ANKIB1: variants seen among roughly 807,000 people sequenced by gnomAD.
ANKIB1 encodes the protein ankyrin repeat and IBR domain-containing protein 1.
ANKIB1 carries 43 observed loss-of-function variants against 122.1 expected under a neutral mutation model. The observed-to-expected ratio is 0.35, with a 90% CI of 0.28 to 0.45. The LOEUF (loss-of-function observed/expected upper bound fraction) is 0.45. Among genes scored for constraint, ANKIB1 ranks in the 20% least tolerant of loss-of-function variants. The probability of loss-of-function intolerance (pLI) is 1.00; values close to 1 mark genes in which losing one functional copy is unlikely to be tolerated. For missense variants in ANKIB1, 992 were observed against 1,329.5 expected, an observed-to-expected ratio of 0.75 and a Z score of 3.95; for synonymous variants, 390 against 442.0, an observed-to-expected ratio of 0.88 and a Z score of 1.48.
chr7:92,377,287 G>A (rs907421491), intron 11 of ANKIB1, among the ~76,000 whole-genome samples: 11 of 152,068 alleles, frequency 7.2e-5, no homozygotes, highest in Admixed American at 2.0e-4. Context: ...ACAGAGACAG[G>A]AGAATGACTA....
chr7:92,276,637 T>C (rs569501792), intron 1 of ANKIB1, among the ~76,000 whole-genome samples: 33 of 152,358 alleles, frequency 2.2e-4, no homozygotes, highest in Middle Eastern at 3.4e-3. Context: ...CAAATTTCAT[T>C]GATTATAAAG....
chr7:92,388,040 A>C lies in ANKIB1; in HGVS notation c.1905A>C (p.Glu635Asp). The C allele has an allele frequency of 6.4e-7, 1 of 1,563,284 alleles. No homozygotes were observed. Among genetic ancestry groups the C allele is most frequent in the Admixed American group, 1.9e-5 (1 of 52,416 alleles). ...AGCAATTGAGCAGAGCTCTCAAAGA[A>C]AGTAAGTTATAAGTTGTATGTGTGA... ...KMEQLSRALK[E>D]TEGGCPDTTF... Residue 635 changes from glutamate to aspartate, a missense_variant and splice_region_variant, in exon 14 of 20, where the codon GAA becomes GAC. Coordinates refer to ENST00000265742, the MANE Select transcript of ANKIB1 (RefSeq NM_019004.2).
intron 10 of ANKIB1, among the ~76,000 whole-genome samples, chr7:92,365,003 A>G (rs905358117): frequency 6.6e-6 from 1 of 152,184 alleles, no homozygotes; most frequent in African/African-American, 2.4e-5. Context: ...GTCCAGTGGA[A>G]TTTTATAAGT....
intron 1 of ANKIB1, among the ~76,000 whole-genome samples, chr7:92,262,037 T>C (rs1801576471): frequency 6.6e-6 from 1 of 152,192 alleles, no homozygotes; most frequent in Admixed American, 6.5e-5. Flanking sequence ...CATTAAGATA[T>C]ACGGAAAATA....
At chr7:92,282,151 A>AT (rs1010816457) in intron 1 of ANKIB1, among the ~76,000 whole-genome samples, 1 of 150,660 alleles carries the variant, frequency 6.6e-6, no homozygotes. Flanking sequence ...GGCATAAGTA[A>AT]TTTTTTTTTC....
At chr7:92,276,110 C>T (rs1012223379) in intron 1 of ANKIB1, among the ~76,000 whole-genome samples, 4 of 152,104 alleles carry the variant, frequency 2.6e-5, no homozygotes, top group African/African-American at 9.7e-5. Context: ...GGTCTCATTA[C>T]GTCTCATTTA....
At position 92,391,693 on chromosome 7, in the gene ANKIB1, A is replaced by C. The variant is rs185890325; in HGVS notation, c.2231+349A>C. 1.3e-3 allele frequency among the ~76,000 whole-genome samples: 196 copies of C among 152,260 alleles called. 3 individuals carry two copies. The highest frequency in any genetic ancestry group is 1.5e-4 in the Non-Finnish European group (10 of 68,006). ...AGTTATAAACATCTTACGATGTAGA[A>C]TTTGGAAACTTTGCCAGCTTGTTAT... On this transcript the variant is annotated intron_variant, in intron 16 of 19. Transcript: ENST00000265742.
chr7:92,391,913 G>T (rs926951856), intron 16 of ANKIB1, among the ~76,000 whole-genome samples: 2 of 151,816 alleles, frequency 1.3e-5, no homozygotes, highest in African/African-American at 4.8e-5. Context: ...ACATTCCTTT[G>T]GCACTATTTT....
intron 5 of ANKIB1, among the ~76,000 whole-genome samples, chr7:92,337,348 C>T (rs567881826): frequency 9.9e-5 from 15 of 152,202 alleles, no homozygotes; most frequent in African/African-American, 3.1e-4. Flanking sequence ...TTCTGTTTAT[C>T]GTGTTAAAAC....
chr7:92,365,618 C>G (rs964654640), intron 10 of ANKIB1, among the ~76,000 whole-genome samples: 1 of 151,796 alleles, frequency 6.6e-6, no homozygotes, highest in African/African-American at 2.4e-5. Flanking sequence ...TTACAAAGAT[C>G]ACTCAGGCAG....
chr7:92,335,883 A>G (rs1803277592), intron 5 of ANKIB1, among the ~76,000 whole-genome samples: 1 of 151,840 alleles, frequency 6.6e-6, no homozygotes, highest in African/African-American at 2.4e-5. Context: ...TAGTTGAATA[A>G]TCTTGGCATT....
intron 5 of ANKIB1, among the ~76,000 whole-genome samples, chr7:92,339,137 G>T (rs1002838235): frequency 6.9e-6 from 1 of 144,766 alleles, no homozygotes; most frequent in African/African-American, 2.6e-5. Flanking sequence ...CATCTCCTGG[G>T]TTCATGCCAT....
chr7:92,273,760 A>C (rs1231543597), intron 1 of ANKIB1, among the ~76,000 whole-genome samples: 1 of 151,678 alleles, frequency 6.6e-6, no homozygotes, highest in Non-Finnish European at 1.5e-5. Flanking sequence ...TTAATGTTTC[A>C]GACAGCTATT....
intron 9 of ANKIB1, among the ~76,000 whole-genome samples, chr7:92,359,155 G>A (rs1803888728): frequency 6.6e-6 from 1 of 152,128 alleles, no homozygotes; most frequent in South Asian, 2.1e-4. Context: ...ACATGCCATG[G>A]TGGTTTGCTG....
intron 1 of ANKIB1, among the ~76,000 whole-genome samples, chr7:92,286,615 G>A (rs1422282024): frequency 3.3e-5 from 5 of 151,954 alleles, no homozygotes; most frequent in Admixed American, 3.3e-4. Context: ...AAGTAGGTGG[G>A]ATTACAGGCA....
At chr7:92,281,420 C>T (rs896438264) in intron 1 of ANKIB1, among the ~76,000 whole-genome samples, 7 of 152,176 alleles carry the variant, frequency 4.6e-5, no homozygotes, top group Non-Finnish European at 8.8e-5. Flanking sequence ...AGACACCAGC[C>T]ATGGATCAAC....
chr7:92,306,803 AGGTTAGCTGATGACCTT>A (rs1364142164), intron 2 of ANKIB1, among the ~76,000 whole-genome samples: 2 of 152,206 alleles, frequency 1.3e-5, no homozygotes, highest in African/African-American at 4.8e-5. Context: ...ATTATTTCAA[AGGTTAGCTGATGACCTT>A]GGTGGAGAAA....
intron 1 of ANKIB1, among the ~76,000 whole-genome samples, chr7:92,291,389 G>T (rs1802242695): frequency 6.6e-6 from 1 of 151,790 alleles, no homozygotes; most frequent in African/African-American, 2.4e-5. Flanking sequence ...TGATTATTAT[G>T]CATTGCATGC....
chr7:92,343,736 C>T (rs190090447), intron 6 of ANKIB1, among the ~76,000 whole-genome samples: 316 of 151,910 alleles, frequency 2.1e-3, no homozygotes, highest in African/African-American at 6.9e-3. Flanking sequence ...CACTGTAAAC[C>T]GAAAATACAA....
Sources: gnomAD v4.1 joint callset for allele counts (sites outside exome capture counted in the v4.1 genomes callset) on GRCh38, gnomAD v4.1.1 for gene constraint, MANE v1.5 for transcripts, NCBI Gene and HGNC (gene_info 2026-07-23, HGNC 2026-07-21) for gene names.